Variants in PTPRD observed in about 807,000 individuals in gnomAD.
PTPRD encodes the protein protein tyrosine phosphatase receptor type D.
In PTPRD, 34 loss-of-function variants were observed where a neutral mutation model predicts 214.5. The ratio of observed to expected loss-of-function variants is 0.16; its 90% confidence interval spans 0.12 to 0.21. PTPRD has a LOEUF of 0.21. Ranked by LOEUF, PTPRD falls within the 10% of genes least tolerant of loss-of-function variation. The pLI, the probability that PTPRD is intolerant of heterozygous loss-of-function variation, is 1.00. For missense variants in PTPRD, 2,545 were observed against 2,398.7 expected, an observed-to-expected ratio of 1.06 and a Z score of -1.27; for synonymous variants, 1,128 against 845.7, an observed-to-expected ratio of 1.33 and a Z score of -5.79.
At chr9:9,672,378 T>A (rs556061163) in intron 7 of PTPRD, among the ~76,000 whole-genome samples, 10 of 152,104 alleles carry the variant, frequency 6.6e-5, no homozygotes, top group Non-Finnish European at 1.3e-4. Flanking sequence ...CATTTAGGTA[T>A]TGGTTATTAT....
chr9:10,177,270 T>C (rs1288776149), intron 3 of PTPRD, among the ~76,000 whole-genome samples: 1 of 151,484 alleles, frequency 6.6e-6, no homozygotes, highest in Non-Finnish European at 1.5e-5. Context: ...AGAATATAAA[T>C]GTGGAAGTTC....
intron 3 of PTPRD, among the ~76,000 whole-genome samples, chr9:10,141,420 A>T (rs1195838008): frequency 1.3e-5 from 2 of 152,134 alleles, no homozygotes; most frequent in African/African-American, 4.8e-5. Context: ...ATACAAAATC[A>T]ATGTACAAAA....
In PTPRD at chr9:8,644,042, C is replaced by T. The variant is rs1252209351; in HGVS notation, c.65-7198G>A. On this transcript the variant is annotated intron_variant, in intron 12 of 45. Transcript: ENST00000381196. ...CCAGCTGGCATGCACTTCATCCCCT[C>T]TGAGGCCCATAAAAGTTCCAGGCTC... 1.9e-4 allele frequency among the ~76,000 whole-genome samples: 29 copies of T among 152,202 alleles called. 1 individual carries two copies. Among genetic ancestry groups the T allele is most frequent in the Admixed American group, 1.9e-3 (29 of 15,286 alleles).
chr9:9,053,397 A>G (rs1405814317), intron 10 of PTPRD, among the ~76,000 whole-genome samples: 1 of 152,044 alleles, frequency 6.6e-6, no homozygotes, highest in Non-Finnish European at 1.5e-5. Context: ...GATGATGATG[A>G]TGATGATGAT....
At chr9:8,320,053 C>G (rs2130737257) in intron 44 of PTPRD, 87 bp from the exon 45 acceptor site, 1 of 1,489,278 alleles carries the variant, frequency 6.7e-7, no homozygotes, top group Non-Finnish European at 9.0e-7. Flanking sequence ...CTTCTACCAG[C>G]TTCCACACTC....
chr9:10,272,397 G>A (rs1054473385), intron 3 of PTPRD, among the ~76,000 whole-genome samples: 4 of 152,132 alleles, frequency 2.6e-5, no homozygotes, highest in African/African-American at 9.7e-5. Context: ...TGTAAAGAGT[G>A]CATCTGTGAA....
At chr9:9,658,077 TC>T (rs1331736810) in intron 7 of PTPRD, among the ~76,000 whole-genome samples, 2 of 152,210 alleles carry the variant, frequency 1.3e-5, no homozygotes, top group Non-Finnish European at 2.9e-5. Flanking sequence ...TCACAATGAT[TC>T]TTCTATGTAT....
chr9:8,724,594 C>A (rs1372975745), intron 12 of PTPRD, among the ~76,000 whole-genome samples: 1 of 151,938 alleles, frequency 6.6e-6, no homozygotes, highest in South Asian at 2.1e-4. Flanking sequence ...GAATAAAAAC[C>A]AAGATTTTGA....
intron 11 of PTPRD, among the ~76,000 whole-genome samples, chr9:8,756,601 G>C (rs1174588324): frequency 6.6e-6 from 1 of 152,074 alleles, no homozygotes; most frequent in Non-Finnish European, 1.5e-5. Context: ...TAAAGCTCCG[G>C]AGTTCTAACG....
chr9:9,462,299 C>G (rs1341906017), intron 8 of PTPRD, among the ~76,000 whole-genome samples: 1 of 152,070 alleles, frequency 6.6e-6, no homozygotes, highest in African/African-American at 2.4e-5. Context: ...TGGCAGTGAA[C>G]TATGCAGCCA....
intron 12 of PTPRD, among the ~76,000 whole-genome samples, chr9:8,729,292 T>A (rs2098628935): frequency 6.6e-6 from 1 of 152,176 alleles, no homozygotes; most frequent in Non-Finnish European, 1.5e-5. Flanking sequence ...ATGCTTCATA[T>A]TTCCCCTCTT....
At chr9:8,394,298 A>C (rs1384630420) in intron 36 of PTPRD, among the ~76,000 whole-genome samples, 1 of 152,152 alleles carries the variant, frequency 6.6e-6, no homozygotes, top group East Asian at 1.9e-4. Flanking sequence ...TGAGGGGTTT[A>C]TAATAAAGCC....
At chr9:10,459,085 T>A (rs749111114) in intron 2 of PTPRD, among the ~76,000 whole-genome samples, 1 of 152,058 alleles carries the variant, frequency 6.6e-6, no homozygotes, top group African/African-American at 2.4e-5. Context: ...TGTGTGATGT[T>A]CCTCTCTCTG....
Position 8,499,817 on chromosome 9 carries a change from CT to C in PTPRD, c.2151del (p.Val718SerfsTer3). 6.2e-7 allele frequency: 1 copy of C among 1,612,434 alleles called. No homozygotes were observed. The highest frequency in any genetic ancestry group is 8.5e-7 in the Non-Finnish European group (1 of 1,179,378). On this transcript the variant is annotated frameshift_variant, in exon 25 of 46. Coordinates refer to ENST00000381196, the MANE Select transcript of PTPRD (RefSeq NM_002839.4). LOFTEE classifies it high-confidence loss of function. ...GTTGAGTTGACAGCCTCTACCTCGA[CT>C]TTGCGAGGAGGACCACTAGGAACTG... is the stretch of plus-strand genomic sequence containing the variant. Reference protein sequence around the residue: ...NEDVPSGPPRKVEVEAVNSTS... With the variant: ...NEDVPSGPPRXVEVEAVNSTS...
intron 10 of PTPRD, among the ~76,000 whole-genome samples, chr9:9,143,697 T>G (rs1340938137): frequency 6.6e-6 from 1 of 152,194 alleles, no homozygotes; most frequent in African/African-American, 2.4e-5. Context: ...TAAAAAATAA[T>G]TGGCCTAATA....
chr9:10,264,485 C>A (rs1467158967), intron 3 of PTPRD, among the ~76,000 whole-genome samples: 2 of 152,098 alleles, frequency 1.3e-5, no homozygotes, highest in South Asian at 4.1e-4. Flanking sequence ...ATTTGACTGC[C>A]CTGCTGGATT....
At chr9:9,003,547 G>C (rs1236873846) in intron 11 of PTPRD, among the ~76,000 whole-genome samples, 3 of 152,010 alleles carry the variant, frequency 2.0e-5, no homozygotes, top group Non-Finnish European at 4.4e-5. Flanking sequence ...TTGTTGGCTG[G>C]ATCTCAGTGT....
intron 5 of PTPRD, among the ~76,000 whole-genome samples, chr9:9,797,350 A>G (rs767505972): frequency 6.6e-6 from 1 of 150,494 alleles, no homozygotes; most frequent in South Asian, 2.1e-4. Flanking sequence ...AAAATACTAT[A>G]AATTACATAT....
chr9:10,453,783 T>G (rs1208093216), intron 2 of PTPRD, among the ~76,000 whole-genome samples: 1 of 151,612 alleles, frequency 6.6e-6, no homozygotes, highest in African/African-American at 2.4e-5. Flanking sequence ...AATGTGGATG[T>G]CTTTTATTTT....
Sources: gnomAD v4.1 joint callset for allele counts (sites outside exome capture counted in the v4.1 genomes callset) on GRCh38, gnomAD v4.1.1 for gene constraint, MANE v1.5 for transcripts, NCBI Gene and HGNC (gene_info 2026-07-23, HGNC 2026-07-21) for gene names.